XKR4: variants seen among roughly 807,000 people sequenced by gnomAD.
The protein encoded by XKR4 is XK-related protein 4.
XKR4 carries 12 observed loss-of-function variants against 53.9 expected under a neutral mutation model. The ratio of observed to expected loss-of-function variants is 0.22; its 90% CI spans 0.14 to 0.36. XKR4 has a LOEUF of 0.36. Among genes scored for constraint, XKR4 ranks in the 10% least tolerant of loss-of-function variants. The pLI, the probability that XKR4 is intolerant of heterozygous loss-of-function variation, is 1.00. For missense variants in XKR4, 799 were observed against 859.5 expected, an observed-to-expected ratio of 0.93 and a Z score of 0.88; for synonymous variants, 354 against 362.4, an observed-to-expected ratio of 0.98 and a Z score of 0.26.
At chr8:55,499,615 G>A (rs1473850550) in intron 2 of XKR4, among the ~76,000 whole-genome samples, 2 of 152,208 alleles carry the variant, frequency 1.3e-5, no homozygotes, top group Admixed American at 6.5e-5. Flanking sequence ...ATTGTGAGAT[G>A]GCCCCTGGGA....
chr8:55,176,866 C>T (rs759055172), intron 1 of XKR4, among the ~76,000 whole-genome samples: 11 of 152,034 alleles, frequency 7.2e-5, no homozygotes, highest in Admixed American at 1.3e-4. Flanking sequence ...TATCTTACTC[C>T]GTGGCTCATT....
Position 55,346,386 on chromosome 8 carries a change from C to G in XKR4, c.807-11292C>G, listed in dbSNP as rs1803641521. On this transcript the variant is annotated intron_variant, in intron 1 of 2. Transcript: ENST00000327381. ...GAGGCGTGAGCCACCACACTCAGCC[C>G]CGCTTCATTCTTTCTCCCTCAATTC... Among the ~76,000 whole-genome samples the G allele has an allele frequency of 2.0e-5, 3 of 152,112 alleles. No homozygotes were observed. In the South Asian group the frequency reaches 6.2e-4, roughly 32 times the overall value.
At chr8:55,207,658 A>G (rs1381444272) in intron 1 of XKR4, among the ~76,000 whole-genome samples, 2 of 82,354 alleles carry the variant, frequency 2.4e-5, no homozygotes, top group African/African-American at 9.1e-5. Flanking sequence ...ACGCGCACAC[A>G]CACACACGTC....
intron 2 of XKR4, among the ~76,000 whole-genome samples, chr8:55,470,938 T>C (rs904518921): frequency 5.3e-5 from 8 of 152,088 alleles, no homozygotes; most frequent in Non-Finnish European, 1.0e-4. Flanking sequence ...CACACTATAA[T>C]CCTCACCTTG....
chr8:55,514,836 AAAG>A (rs1321832982), intron 2 of XKR4, among the ~76,000 whole-genome samples: 1 of 152,216 alleles, frequency 6.6e-6, no homozygotes, highest in African/African-American at 2.4e-5. Flanking sequence ...AGTACTGAAC[AAAG>A]AAGAGGGCCT....
chr8:55,505,105 T>C (rs1023362104), intron 2 of XKR4, among the ~76,000 whole-genome samples: 1 of 152,128 alleles, frequency 6.6e-6, no homozygotes, highest in Admixed American at 6.5e-5. Flanking sequence ...GTTTAGTTTG[T>C]TCTACTTTTT....
chr8:55,144,321 G>T (rs1254159280), intron 1 of XKR4, among the ~76,000 whole-genome samples: 1 of 151,838 alleles, frequency 6.6e-6, no homozygotes, highest in Non-Finnish European at 1.5e-5. Context: ...GTCTTGGTCT[G>T]GGTTTCATTT....
chr8:55,373,638 T>C (rs1361158401), intron 2 of XKR4, among the ~76,000 whole-genome samples: 1 of 152,162 alleles, frequency 6.6e-6, no homozygotes, highest in Non-Finnish European at 1.5e-5. Context: ...TGAGTTAAAA[T>C]TCATATTTTA....
intron 1 of XKR4, among the ~76,000 whole-genome samples, chr8:55,356,415 T>C (rs1038606153): frequency 6.6e-6 from 1 of 151,802 alleles, no homozygotes; most frequent in Non-Finnish European, 1.5e-5. Flanking sequence ...ACAAAGAAAA[T>C]ATGCAAGAAA....
intron 1 of XKR4, among the ~76,000 whole-genome samples, chr8:55,271,868 T>C (rs919652920): frequency 3.9e-5 from 6 of 152,232 alleles, no homozygotes; most frequent in Non-Finnish European, 8.8e-5. Flanking sequence ...TCTGACCTCC[T>C]GCAAGTCTCA....
intron 2 of XKR4, among the ~76,000 whole-genome samples, chr8:55,366,165 T>G (rs771864405): frequency 6.6e-6 from 1 of 152,096 alleles, no homozygotes; most frequent in Non-Finnish European, 1.5e-5. Context: ...CCTCCTACCT[T>G]CCAACCTCCC....
chr8:55,131,210 C>T (rs897661103), intron 1 of XKR4, among the ~76,000 whole-genome samples: 1 of 130,554 alleles, frequency 7.7e-6, no homozygotes, highest in East Asian at 2.5e-4. Context: ...AGCCACGCCT[C>T]AAATCCATTA....
intron 1 of XKR4, among the ~76,000 whole-genome samples, chr8:55,317,703 T>C (rs148447484): frequency 6.6e-6 from 1 of 152,130 alleles, no homozygotes; most frequent in African/African-American, 2.4e-5. Flanking sequence ...TTACTGTGAG[T>C]GACAGAGAAC....
intron 1 of XKR4, among the ~76,000 whole-genome samples, chr8:55,251,043 G>T (rs1818354383): frequency 6.6e-6 from 1 of 152,260 alleles, no homozygotes; most frequent in Non-Finnish European, 1.5e-5. Context: ...TCAAGAAGCT[G>T]TAGGTATAGG....
chr8:55,454,219 C>T, intron 2 of XKR4: 1 of 1,097,480 alleles, frequency 9.1e-7, no homozygotes, highest in Non-Finnish European at 1.4e-6. Flanking sequence ...TGTGCACACA[C>T]TCAGGGATGG....
intron 2 of XKR4, among the ~76,000 whole-genome samples, chr8:55,507,274 A>G (rs1806548857): frequency 6.6e-6 from 1 of 152,212 alleles, no homozygotes; most frequent in Non-Finnish European, 1.5e-5. Flanking sequence ...ATACTATCAA[A>G]GCACCCCTAT....
intron 2 of XKR4, among the ~76,000 whole-genome samples, chr8:55,518,159 T>C (rs1585616360): frequency 6.6e-6 from 1 of 152,318 alleles, no homozygotes; most frequent in African/African-American, 2.4e-5. Context: ...CTACGAAGCG[T>C]GCTCTGGGGA....
At chr8:55,333,974 A>G (rs1322772342) in intron 1 of XKR4, among the ~76,000 whole-genome samples, 2 of 152,162 alleles carry the variant, frequency 1.3e-5, no homozygotes, top group East Asian at 1.9e-4. Flanking sequence ...GTGCTCCTAT[A>G]AAATTATTTT....
intron 2 of XKR4, chr8:55,452,480 G>T (rs1563354218): frequency 1.6e-6 from 1 of 632,826 alleles, no homozygotes; most frequent in South Asian, 1.7e-5. Context: ...CCGGTGGCAG[G>T]TAGATGCGCA....
Sources: allele counts gnomAD v4.1 joint callset (sites outside exome capture counted in the v4.1 genomes callset), GRCh38; gene constraint gnomAD v4.1.1; transcripts MANE v1.5; gene names NCBI Gene and HGNC (gene_info 2026-07-23, HGNC 2026-07-21).